CTIF: variants seen among roughly 807,000 people sequenced by gnomAD.
CTIF encodes the protein CBP80/20-dependent translation initiation factor.
Under a neutral mutation model 66.0 loss-of-function variants are expected in CTIF, and 21 were observed. The observed-to-expected ratio is 0.32, with a 90% confidence interval of 0.23 to 0.46. CTIF has a LOEUF of 0.46. Ranked by LOEUF, CTIF falls within the 20% of genes least tolerant of loss-of-function variation. The pLI is 1.00. For synonymous variants in CTIF, 345 were observed against 326.4 expected, an observed-to-expected ratio of 1.06 and a Z score of -0.62; for missense variants, 739 against 812.7, an observed-to-expected ratio of 0.91 and a Z score of 1.10.
chr18:48,611,672 A>G (rs932714000), intron 1 of CTIF, among the ~76,000 whole-genome samples: 1 of 152,230 alleles, frequency 6.6e-6, no homozygotes, highest in African/African-American at 2.4e-5. Context: ...TTGTAACAAG[A>G]TGCCCTGTGA....
intron 9 of CTIF, among the ~76,000 whole-genome samples, chr18:48,800,910 T>G (rs1350775762): frequency 6.6e-6 from 1 of 152,222 alleles, no homozygotes; most frequent in Non-Finnish European, 1.5e-5. Flanking sequence ...AGGCGTGTCC[T>G]CAACCACATG....
intron 3 of CTIF, among the ~76,000 whole-genome samples, chr18:48,654,292 C>A (rs962941641): frequency 2.6e-5 from 4 of 152,060 alleles, no homozygotes; most frequent in African/African-American, 9.7e-5. Flanking sequence ...AAAAAAACAA[C>A]CCCATCAAAA....
At chr18:48,763,692 C>A (rs1237834545) in intron 9 of CTIF, among the ~76,000 whole-genome samples, 1 of 152,172 alleles carries the variant, frequency 6.6e-6, no homozygotes, top group African/African-American at 2.4e-5. Context: ...GGAGCTTGGC[C>A]TCTATAGTTC....
At chr18:48,757,742 G>A (rs1039243403) in intron 7 of CTIF, among the ~76,000 whole-genome samples, 177 bp from the exon 8 acceptor site, 2 of 152,206 alleles carry the variant, frequency 1.3e-5, no homozygotes, top group African/African-American at 4.8e-5. Flanking sequence ...GCCTGTTCTC[G>A]GCTGTATCCC....
Position 48,553,831 on chromosome 18 carries a change from A to ATT in CTIF, c.-29+14529_-29+14530dup, listed in dbSNP as rs74172102. Among the ~76,000 whole-genome samples, 280 of 146,764 alleles carry ATT rather than the reference A, an allele frequency of 1.9e-3. 4 individuals carry two copies. Among genetic ancestry groups the ATT allele is most frequent in the Admixed American group, 0.013 (194 of 14,910 alleles). ...CCACCATGCCCGGCTAATTTTTTGT[A>ATT]TTTTTTTTTTTAGTAGAGACAGGGT... On this transcript the variant is annotated intron_variant, in intron 1 of 11. Transcript: ENST00000256413.
chr18:48,817,097 A>G, intron 9 of CTIF, 124 bp from the exon 10 acceptor site: 2 of 959,828 alleles, frequency 2.1e-6, no homozygotes, highest in South Asian at 1.7e-5. Context: ...ATCCTCATTT[A>G]AAACATGGGG....
intron 3 of CTIF, among the ~76,000 whole-genome samples, chr18:48,648,104 AGGCTCAAATAGCAT>A (rs139805865): frequency 0.1 from 15,881 of 152,192 alleles, 968 homozygotes; most frequent in African/African-American, 0.17. Context: ...TGTCCAGGAC[AGGCTCAAATAGCAT>A]GGTCCATTTA....
chr18:48,590,009 G>C (rs11661036), intron 1 of CTIF, among the ~76,000 whole-genome samples: 1 of 151,718 alleles, frequency 6.6e-6, no homozygotes, highest in African/African-American at 2.4e-5. Flanking sequence ...CGAGTGCCTC[G>C]TGCTGCTGTT....
chr18:48,726,053 C>A (rs908946663), intron 7 of CTIF, among the ~76,000 whole-genome samples: 2 of 152,194 alleles, frequency 1.3e-5, no homozygotes, highest in East Asian at 3.8e-4. Context: ...CTATAAAATA[C>A]GATATCCACC....
intron 1 of CTIF, among the ~76,000 whole-genome samples, chr18:48,615,719 G>A (rs955072680): frequency 2.0e-5 from 3 of 152,240 alleles, no homozygotes; most frequent in African/African-American, 7.2e-5. Context: ...CAGGTGCCAG[G>A]GGCCGGGGGC....
At chr18:48,751,953 ATT>A (rs1421381666) in intron 7 of CTIF, among the ~76,000 whole-genome samples, 1 of 73,468 alleles carries the variant, frequency 1.4e-5, no homozygotes, top group Non-Finnish European at 2.7e-5. Flanking sequence ...TTATTCATTC[ATT>A]CATTCATTCA....
intron 10 of CTIF, among the ~76,000 whole-genome samples, chr18:48,821,685 G>A (rs779164524): frequency 4.6e-5 from 7 of 152,248 alleles, no homozygotes; most frequent in East Asian, 1.9e-4. Context: ...AGTTTCTGCC[G>A]AGGTGGTTTT....
chr18:48,578,896 A>G (rs2143775015), intron 1 of CTIF, among the ~76,000 whole-genome samples: 1 of 152,306 alleles, frequency 6.6e-6, no homozygotes, highest in South Asian at 2.1e-4. Context: ...TTTTGGTGTC[A>G]TATCCAAGAA....
At chr18:48,683,629 C>A (rs2091785189) in intron 6 of CTIF, among the ~76,000 whole-genome samples, 1 of 152,092 alleles carries the variant, frequency 6.6e-6, no homozygotes, top group East Asian at 1.9e-4. Flanking sequence ...ACCCCACCCC[C>A]AAAGGGTTCA....
chr18:48,605,870 G>A (rs573724208), intron 1 of CTIF, among the ~76,000 whole-genome samples: 2 of 152,322 alleles, frequency 1.3e-5, no homozygotes, highest in East Asian at 1.9e-4. Flanking sequence ...TCTCAAGCAC[G>A]CACACTAGAG....
intron 7 of CTIF, among the ~76,000 whole-genome samples, chr18:48,722,405 G>A (rs958020213): frequency 1.1e-4 from 17 of 151,762 alleles, no homozygotes; most frequent in Admixed American, 5.3e-4. Context: ...TTATTTTATA[G>A]AGACAGGGTT....
intron 6 of CTIF, among the ~76,000 whole-genome samples, chr18:48,706,059 A>G (rs1164746678): frequency 2.0e-5 from 3 of 152,046 alleles, no homozygotes; most frequent in African/African-American, 7.2e-5. Flanking sequence ...ACAAGGGTGG[A>G]TGGATGGGGG....
chr18:48,774,944 G>A (rs72913707), intron 9 of CTIF, among the ~76,000 whole-genome samples: 5,370 of 149,722 alleles, frequency 0.036, 105 homozygotes, highest in Non-Finnish European at 0.045. Flanking sequence ...TTAGGCAACC[G>A]TCATTGCATT....
At chr18:48,751,991 T>G (rs1398738964) in intron 7 of CTIF, among the ~76,000 whole-genome samples, 2 of 151,854 alleles carry the variant, frequency 1.3e-5, no homozygotes, top group Admixed American at 1.3e-4. Flanking sequence ...ATTCTACAGT[T>G]AGTGAGAAAA....
Sources: gnomAD v4.1 joint callset for allele counts (sites outside exome capture counted in the v4.1 genomes callset) on GRCh38, gnomAD v4.1.1 for gene constraint, MANE v1.5 for transcripts, NCBI Gene and HGNC (gene_info 2026-07-23, HGNC 2026-07-21) for gene names.